The following PKD2 variants were observed in gnomAD, a reference collection of about 807,000 sequenced individuals.
PKD2 encodes polycystin 2, transient receptor potential cation channel, also known as polycystin-2.
PKD2 carries 48 observed loss-of-function variants against 105.9 expected under a neutral mutation model. The ratio of observed to expected loss-of-function variants is 0.45; its 90% CI spans 0.36 to 0.58. The LOEUF (loss-of-function observed/expected upper bound fraction) is 0.58, where lower values mean the gene tolerates loss of function less well. Ranked by LOEUF, PKD2 falls within the 20% of genes least tolerant of loss-of-function variation. The probability of loss-of-function intolerance (pLI) is 0.00; values close to 1 mark genes in which losing one functional copy is unlikely to be tolerated. For missense variants in PKD2, 1,078 were observed against 1,255.3 expected (o/e 0.86, Z 2.13); for synonymous variants, 464 against 481.1 (o/e 0.96, Z 0.46).
chr4:88,008,453 T>G, intron 1 of PKD2, 125 bp downstream of exon 1: 1 of 1,198,120 alleles, frequency 8.3e-7, no homozygotes, highest in Non-Finnish European at 1.1e-6. Context: ...CCGCCTCCCT[T>G]GGAAGCGCAT....
At chr4:88,070,633 G>GAGAGAGAGAGAGAA (rs1720997902) in intron 13 of PKD2, among the ~76,000 whole-genome samples, 2 of 147,020 alleles carry the variant, frequency 1.4e-5, no homozygotes, top group African/African-American at 4.9e-5. Flanking sequence ...GAGAGAAAGA[G>GAGAGAGAGAGAGAA]AGAGAGAGAG....
chr4:88,016,931 A>G (rs951692322), intron 1 of PKD2, among the ~76,000 whole-genome samples: 21 of 151,586 alleles, frequency 1.4e-4, no homozygotes, highest in African/African-American at 5.1e-4. Flanking sequence ...GTGCCAGAGT[A>G]CTCCAGCCTG....
rs1355609203 is a variant in PKD2, at chr4:88,007,696, G to T, written c.-38G>T. 9 of 1,148,940 alleles carry T rather than the reference G, an allele frequency of 7.8e-6. No individual in the cohort carries two copies. The highest frequency in any genetic ancestry group is 3.3e-5 in the African/African-American group (2 of 60,248). The allele number at this position is 1,148,940 out of a possible 1,614,324, so 71.2% of individuals were successfully genotyped here. On this transcript the variant is annotated 5_prime_UTR_variant, in exon 1 of 15. Coordinates refer to ENST00000237596, the MANE Select transcript of PKD2 (RefSeq NM_000297.4). Reference sequence around the variant, plus strand: ...TCCTGAGGCGCACAGCGCCGAGCGCGGCGCCGCGCACCCGCGCGCCGGACG... The same window carrying T: ...TCCTGAGGCGCACAGCGCCGAGCGCTGCGCCGCGCACCCGCGCGCCGGACG...
chr4:88,027,548 C>CT (rs1420656026), intron 2 of PKD2, among the ~76,000 whole-genome samples: 1 of 152,154 alleles, frequency 6.6e-6, no homozygotes, highest in Non-Finnish European at 1.5e-5. Flanking sequence ...TGGACTTGAA[C>CT]TTTTGAGTTA....
rs17013735 is a variant in PKD2 at position 88,038,593 on chromosome 4, A to G, written c.1094+92A>G. The G allele has an allele frequency of 0.089, 121,567 of 1,367,512 alleles. 9,016 individuals carry two copies. The highest frequency in any genetic ancestry group is 0.37 in the East Asian group (16,271 of 43,644). The allele number at this position is 1,367,512 out of a possible 1,614,324, so 84.7% of individuals were successfully genotyped here. A position where few individuals can be genotyped will look rare whatever the true frequency, so the allele number is the denominator to read the frequency against. ...CATTCATTCATTCCCTGACACCTTC[A>G]CCAAGGCAAAAATAAGTTCAGTGAC... On this transcript the variant is annotated intron_variant, in intron 4 of 14. Transcript: ENST00000237596.
intron 10 of PKD2, among the ~76,000 whole-genome samples, chr4:88,064,645 C>T (rs1348943987): frequency 1.3e-5 from 2 of 152,026 alleles, no homozygotes; most frequent in East Asian, 3.9e-4. Flanking sequence ...GTAATCCTAG[C>T]ACTTTGGAAG....
intron 5 of PKD2, among the ~76,000 whole-genome samples, chr4:88,045,634 T>C (rs1221629439): frequency 6.6e-6 from 1 of 152,180 alleles, no homozygotes; most frequent in Non-Finnish European, 1.5e-5. Flanking sequence ...CCCAGCTTTC[T>C]CAGTGTGACA....
At chr4:88,027,066 A>C (rs1205302734) in intron 2 of PKD2, among the ~76,000 whole-genome samples, 2 of 152,212 alleles carry the variant, frequency 1.3e-5, no homozygotes, top group African/African-American at 4.8e-5. Flanking sequence ...GCAGGGGGGA[A>C]ATGTGGGGTT....
intron 12 of PKD2, among the ~76,000 whole-genome samples, chr4:88,066,259 A>T (rs1380598421): frequency 6.6e-6 from 1 of 152,220 alleles, no homozygotes; most frequent in Non-Finnish European, 1.5e-5. Context: ...TTAGCTGCAG[A>T]GTCCACAATG....
At chr4:88,042,159 A>G (rs956894470) in intron 4 of PKD2, among the ~76,000 whole-genome samples, 1 of 152,238 alleles carries the variant, frequency 6.6e-6, no homozygotes, top group African/African-American at 2.4e-5. Context: ...TGATAAAGAC[A>G]TACCTGAGAC....
At chr4:88,034,880 C>T (rs1727278755) in intron 2 of PKD2, among the ~76,000 whole-genome samples, 2 of 151,996 alleles carry the variant, frequency 1.3e-5, no homozygotes, top group South Asian at 2.1e-4. Flanking sequence ...AACTTTTTAT[C>T]AGCTAATTAT....
At chr4:88,018,235 A>G (rs1242556555) in intron 1 of PKD2, among the ~76,000 whole-genome samples, 1 of 152,208 alleles carries the variant, frequency 6.6e-6, no homozygotes, top group East Asian at 1.9e-4. Flanking sequence ...GATTTTCCTA[A>G]AGGACATTTG....
chr4:88,038,946 T>C (rs1026776706), intron 4 of PKD2, among the ~76,000 whole-genome samples: 4 of 152,208 alleles, frequency 2.6e-5, no homozygotes, highest in African/African-American at 9.7e-5. Context: ...CAATTTTTTG[T>C]TAGGTTTAAA....
intron 2 of PKD2, among the ~76,000 whole-genome samples, chr4:88,030,983 A>G (rs1022526374): frequency 6.6e-6 from 1 of 152,180 alleles, no homozygotes; most frequent in African/African-American, 2.4e-5. Flanking sequence ...TCCCCAACTT[A>G]CGATGGTTCG....
intron 2 of PKD2, among the ~76,000 whole-genome samples, chr4:88,020,450 G>A (rs746638757): frequency 6.6e-6 from 1 of 151,692 alleles, no homozygotes; most frequent in Admixed American, 6.6e-5. Context: ...CTTTCAGTTC[G>A]TCTTCCCATC....
chr4:88,044,591 G>A (rs959740376), intron 5 of PKD2, among the ~76,000 whole-genome samples: 1 of 152,148 alleles, frequency 6.6e-6, no homozygotes, highest in Non-Finnish European at 1.5e-5. Flanking sequence ...TGGAATGTCT[G>A]CATATATATA....
At chr4:88,036,465 T>A in intron 3 of PKD2, 112 bp downstream of exon 3, 2 of 1,552,816 alleles carry the variant, frequency 1.3e-6, no homozygotes, top group South Asian at 2.3e-5. Context: ...TAACACTGTG[T>A]GAGACGTAAG....
At chr4:88,062,413 T>G (rs1055876459) in intron 10 of PKD2, among the ~76,000 whole-genome samples, 3 of 152,160 alleles carry the variant, frequency 2.0e-5, no homozygotes, top group Admixed American at 6.5e-5. Flanking sequence ...ATAAAAAGTT[T>G]TAGAGGAAAA....
chr4:88,065,901 C>CG, intron 12 of PKD2, 22 bp downstream of exon 12: 1 of 1,374,634 alleles, frequency 7.3e-7, no homozygotes, highest in Non-Finnish European at 1.0e-6. Context: ...TTAGGAGAAC[C>CG]GGATTTGATT....
Sources: gnomAD v4.1 joint callset for allele counts (sites outside exome capture counted in the v4.1 genomes callset) on GRCh38, gnomAD v4.1.1 for gene constraint, MANE v1.5 for transcripts, NCBI Gene and HGNC (gene_info 2026-07-23, HGNC 2026-07-21) for gene names.